MBD3: variants seen among roughly 807,000 people sequenced by gnomAD.
The protein encoded by MBD3 is methyl-CpG binding domain protein 3.
In MBD3, 13 loss-of-function variants were observed where a neutral mutation model predicts 31.2. The observed-to-expected ratio is 0.42, with a 90% CI of 0.27 to 0.66. The LOEUF is 0.66. Among genes scored for constraint, MBD3 ranks in the 30% least tolerant of loss-of-function variants. The pLI, the probability that MBD3 is intolerant of heterozygous loss-of-function variation, is 0.26. For synonymous variants in MBD3, 223 were observed against 187.4 expected (o/e 1.19, Z -1.55); for missense variants, 440 against 426.5 (o/e 1.03, Z -0.28).
intron 1 of MBD3, among the ~76,000 whole-genome samples, chr19:1,591,652 C>T (rs1360354578): frequency 2.0e-5 from 3 of 150,772 alleles, no homozygotes; most frequent in Non-Finnish European, 4.4e-5. Flanking sequence ...AAGGGGAGGG[C>T]GCAATCAAAG....
Position 1,592,682 on chromosome 19 carries a change from C to T in MBD3, c.-51G>A, listed in dbSNP as rs911397707. 17 of 724,904 alleles carry T rather than the reference C, an allele frequency of 2.3e-5. No individual in the cohort carries two copies. The highest frequency in any genetic ancestry group is 2.0e-4 in the South Asian group (4 of 20,286). 44.9% of individuals were successfully genotyped at this position (724,904 alleles called of 1,614,324 possible). A position where few individuals can be genotyped will look rare whatever the true frequency, so the allele number is the denominator to read the frequency against. ...CGGGCCCGCCGCCGCCGCCCGGACC[C>T]CCACTCGCCGCCGCCGCCTCAGCTG... On this transcript the variant is annotated 5_prime_UTR_variant, in exon 1 of 7. Coordinates refer to ENST00000434436, the MANE Select transcript of MBD3 (RefSeq NM_001281453.2).
intron 1 of MBD3, among the ~76,000 whole-genome samples, chr19:1,590,461 T>C (rs956728726): frequency 3.3e-5 from 5 of 151,974 alleles, no homozygotes; most frequent in African/African-American, 1.2e-4. Flanking sequence ...ACCCCATCTC[T>C]ATAAAAATAA....
In MBD3 at chr19:1,585,362, G is replaced by A. The variant is rs1242106097; in HGVS notation, c.111-148C>T. On this transcript the variant is annotated intron_variant, in intron 1 of 6. Coordinates refer to ENST00000434436, the MANE Select transcript of MBD3 (RefSeq NM_001281453.2). The surrounding 1 kb of genome is among the most constrained non-coding windows in gnomAD (Gnocchi z 4.1). ...AACACGGCCCTGACCCCAAACCCAG[G>A]CAGGCCCTGGCCCCAGCCCCAGACC... The A allele has an allele frequency of 1.2e-6, 1 of 837,462 alleles. No individual in the cohort carries two copies. The highest frequency in any genetic ancestry group is 1.7e-5 in the African/African-American group (1 of 58,686). The allele number at this position is 837,462 out of a possible 1,614,324, so 51.9% of individuals were successfully genotyped here.
chr19:1,585,163 G>T lies in MBD3; in HGVS notation c.162C>A (p.Gly54=). Residue 54 remains glycine, a synonymous_variant, in exon 2 of 7, where the codon GGC becomes GGA. Transcript: ENST00000434436. This position sits in a 1 kb window ranked among gnomAD's most constrained non-coding sequence, Gnocchi z 4.1. ...RSKPQLARYL[G]GSMDLSTFDF... The stretch of plus-strand genomic sequence containing the variant: ...CGAAGGTGCTCAGGTCCATGGAGCC[G>T]CCCAGGTAGCGCGCCAGCTGCGGCT... The T allele has an allele frequency of 6.2e-7, 1 of 1,609,184 alleles. No individual in the cohort carries two copies.
intron 1 of MBD3, among the ~76,000 whole-genome samples, chr19:1,590,995 G>A (rs2060700970): frequency 6.6e-6 from 1 of 152,224 alleles, no homozygotes; most frequent in African/African-American, 2.4e-5. Context: ...GGCCCAGAGT[G>A]GGAATGAGAG....
rs748449560 is a variant in MBD3, at chr19:1,578,450, G to A, written c.766C>T (p.Arg256Cys). 33 of 1,607,752 alleles carry A rather than the reference G, an allele frequency of 2.1e-5. No individual in the cohort carries two copies. Among genetic ancestry groups the A allele is most frequent in the South Asian group, 8.8e-5 (8 of 91,074 alleles). ...DMLAHVEELA[R>C]DGEAPLDKAC... ...TTGTCCAGCGGCGCCTCCCCGTCAC[G>A]GGCCAGCTCCTCCACGTGCGCCAGC... is the stretch of plus-strand genomic sequence containing the variant. Residue 256 changes from arginine to cysteine, a missense_variant, in exon 6 of 7, where the codon CGT (arginine) becomes TGT (cysteine). By Grantham distance (180) the Arg-to-Cys change is radical. Coordinates refer to ENST00000434436, the MANE Select transcript of MBD3 (RefSeq NM_001281453.2). The surrounding 1 kb of genome is among the most constrained non-coding windows in gnomAD (Gnocchi z 6.1).
At chr19:1,584,725 G>A (rs780797322) in intron 2 of MBD3, 48 bp from the exon 3 acceptor site, 34 of 1,586,774 alleles carry the variant, frequency 2.1e-5, no homozygotes, top group Middle Eastern at 1.8e-4. Flanking sequence ...CCCCGGCGGC[G>A]CGGAGCCTCA....
At chr19:1,579,730 G>A (rs368504284) in intron 5 of MBD3, among the ~76,000 whole-genome samples, 20 of 151,264 alleles carry the variant, frequency 1.3e-4, no homozygotes, top group Non-Finnish European at 2.4e-4. Context: ...TACCTCCTGC[G>A]GAACCCACCA....
intron 5 of MBD3, among the ~76,000 whole-genome samples, chr19:1,580,424 C>T (rs994547455): frequency 5.3e-5 from 8 of 152,248 alleles, no homozygotes; most frequent in Non-Finnish European, 7.3e-5. Context: ...CCTCCCTGGC[C>T]GTTCCGGGTC....
At position 1,583,700 on chromosome 19, in the gene MBD3, A is replaced by G. The variant is rs548639448; in HGVS notation, c.408+840T>C. On this transcript the variant is annotated intron_variant, in intron 3 of 6. Transcript: ENST00000434436. ...TACAGAAACCCTGTCTCGAAAGTGA[A>G]AAACTTAAAAAAATGAATAAAACAC... Among the ~76,000 whole-genome samples the G allele has an allele frequency of 1.0e-3, 157 of 152,324 alleles. 1 individual carries two copies. Among genetic ancestry groups the G allele is most frequent in the African/African-American group, 3.7e-3 (152 of 41,566 alleles).
intron 3 of MBD3, among the ~76,000 whole-genome samples, chr19:1,584,215 C>T (rs935347503): frequency 6.6e-5 from 10 of 151,730 alleles, no homozygotes; most frequent in Non-Finnish European, 1.0e-4. Flanking sequence ...CAATACCCTG[C>T]ACATTCCAAG....
In MBD3 at chr19:1,578,111, G is replaced by A. The variant is rs1000300720; in HGVS notation, c.*53C>T. On this transcript the variant is annotated 3_prime_UTR_variant, in exon 7 of 7. Transcript: ENST00000434436. This position sits in a 1 kb window ranked among gnomAD's most constrained non-coding sequence, Gnocchi z 6.1. ...CCTGGTTCACGTGGGGCCGAGGACC[G>A]CGTCTGCAGGCGGCTCCAGCAGGCA... The A allele has an allele frequency of 4.7e-5, 31 of 654,680 alleles. No homozygotes were observed. The highest frequency in any genetic ancestry group is 4.2e-4 in the Middle Eastern group (1 of 2,358). 40.6% of individuals were successfully genotyped at this position (654,680 alleles called of 1,614,324 possible).
intron 1 of MBD3, among the ~76,000 whole-genome samples, chr19:1,586,608 G>C (rs1599346565): frequency 6.6e-6 from 1 of 151,878 alleles, no homozygotes; most frequent in African/African-American, 2.4e-5. Context: ...TCCTGGGCTA[G>C]GGTGATCCTT....
chr19:1,574,369 A>C lies in MBD3; in HGVS notation c.*3795T>G, dbSNP rs1474364621. On this transcript the variant is annotated 3_prime_UTR_variant, in exon 7 of 7. Coordinates refer to ENST00000434436, the MANE Select transcript of MBD3 (RefSeq NM_001281453.2). ...TTTAGCCATTTCCCCCAGTCCCCAT[A>C]ATCCCCAGTCACTGGCACCCACGTG... 1 of 152,116 alleles carries C rather than the reference A, an allele frequency of 6.6e-6. No individual in the cohort carries two copies. The allele number at this position is 152,116 out of a possible 1,614,324, so 9.4% of individuals were successfully genotyped here.
rs777693105 is a variant in MBD3 at position 1,582,680 on chromosome 19, G to A, written c.441C>T (p.Asn147=). ...LFWEKKLSGL[N]AFDIAEELVK... ...CCAGCTCCTCAGCAATGTCGAAGGC[G>A]TTCAGGCCGCTCAGCTTCTTCTCCC... Residue 147 remains asparagine, a synonymous_variant, in exon 4 of 7, where the codon AAC becomes AAT. Coordinates refer to ENST00000434436, the MANE Select transcript of MBD3 (RefSeq NM_001281453.2). 16 of 1,613,908 alleles carry A rather than the reference G, an allele frequency of 9.9e-6. No homozygotes were observed. Among genetic ancestry groups the A allele is most frequent in the African/African-American group, 5.3e-5 (4 of 74,926 alleles).
intron 5 of MBD3, among the ~76,000 whole-genome samples, chr19:1,579,466 G>C (rs7251525): frequency 6.6e-6 from 1 of 152,084 alleles, no homozygotes; most frequent in South Asian, 2.1e-4. Context: ...GCCGCAGCAC[G>C]TGCTTCTGCC....
Position 1,575,062 on chromosome 19 carries a change from C to T in MBD3, c.*3102G>A, listed in dbSNP as rs964145961. 3 of 373,666 alleles carry T rather than the reference C, an allele frequency of 8.0e-6. No individual in the cohort carries two copies. Among genetic ancestry groups the T allele is most frequent in the Non-Finnish European group, 1.6e-5 (3 of 182,096 alleles). 23.1% of individuals were successfully genotyped at this position (373,666 alleles called of 1,614,324 possible). A position where few individuals can be genotyped will look rare whatever the true frequency, so the allele number is the denominator to read the frequency against. On this transcript the variant is annotated 3_prime_UTR_variant, in exon 7 of 7. Transcript: ENST00000434436. ...GTCCTGAGCCTCTCCTCCCTGGTAC[C>T]CTCTGTGGCGGCAGCGGTGGGGAGC...
At chr19:1,587,421 T>G (rs1289360161) in intron 1 of MBD3, among the ~76,000 whole-genome samples, 1 of 151,576 alleles carries the variant, frequency 6.6e-6, no homozygotes, top group African/African-American at 2.4e-5. Flanking sequence ...TTTTTTTTCA[T>G]TTTTACTTTT....
Position 1,578,341 on chromosome 19 carries a change from T to C in MBD3, c.875A>G (p.Ter292TrpextTer24). The change falls in exon 6 of 7, where the codon TAG (stop) becomes TGG (tryptophan). Residue 292 changes from the stop codon to tryptophan (W), a stop_lost. Transcript: ENST00000434436. This position sits in a 1 kb window ranked among gnomAD's most constrained non-coding sequence, Gnocchi z 6.1. ...PDPDPEMEHV[*>W] is the part of the protein sequence containing the mutation. ...CCCCGTGGCCCCGCAGCACCTGCCC[T>C]AGACGTGCTCCATCTCCGGGTCCGG... The C allele has an allele frequency of 6.2e-7, 1 of 1,603,042 alleles. No individual in the cohort carries two copies. The highest frequency in any genetic ancestry group is 1.1e-5 in the South Asian group (1 of 91,038).
Sources: gnomAD v4.1 joint callset for allele counts (sites outside exome capture counted in the v4.1 genomes callset) on GRCh38, gnomAD v4.1.1 for gene constraint, Gnocchi (gnomAD v3.1) non-coding constraint, MANE v1.5 for transcripts, NCBI Gene and HGNC (gene_info 2026-07-23, HGNC 2026-07-21) for gene names.